The following LNPK variants were observed in gnomAD, a reference collection of about 807,000 sequenced individuals.
LNPK encodes the protein lunapark, ER junction formation factor.
LNPK carries 29 observed loss-of-function variants against 55.2 expected under a neutral mutation model. That is an observed-to-expected ratio of 0.53 (90% CI 0.39 to 0.72). LNPK has a LOEUF of 0.72. Ranked by LOEUF, LNPK falls within the 30% of genes least tolerant of loss-of-function variation. LNPK has a pLI of 0.00. For missense variants in LNPK, 467 were observed against 494.8 expected, an observed-to-expected ratio of 0.94 and a Z score of 0.53; for synonymous variants, 162 against 168.2, an observed-to-expected ratio of 0.96 and a Z score of 0.29.
chr2:175,986,716 T>C (rs549657754), intron 4 of LNPK, among the ~76,000 whole-genome samples: 1 of 152,184 alleles, frequency 6.6e-6, no homozygotes, highest in East Asian at 1.9e-4. Context: ...ATGAACTGTA[T>C]TTAACAACAT....
At chr2:175,980,551 G>T (rs1361074614) in intron 4 of LNPK, among the ~76,000 whole-genome samples, 2 of 152,126 alleles carry the variant, frequency 1.3e-5, no homozygotes, top group Non-Finnish European at 2.9e-5. Flanking sequence ...ACTTGTCAGG[G>T]TCATCTCCTA....
chr2:175,940,879 A>G, intron 9 of LNPK: 1 of 368,878 alleles, frequency 2.7e-6, no homozygotes, highest in Non-Finnish European at 5.3e-6. Context: ...AAAAAAATCC[A>G]CAGATTATGT....
chr2:175,977,806 G>C (rs1686980551), intron 5 of LNPK, among the ~76,000 whole-genome samples: 3 of 152,120 alleles, frequency 2.0e-5, no homozygotes, highest in Admixed American at 2.0e-4. Flanking sequence ...AAGAGAAATT[G>C]GTGGTAGCTT....
At chr2:175,965,809 A>C (rs970322426) in intron 6 of LNPK, among the ~76,000 whole-genome samples, 3 of 152,204 alleles carry the variant, frequency 2.0e-5, no homozygotes, top group South Asian at 2.1e-4. Flanking sequence ...TAGAAAAAAA[A>C]AAACTAGGAA....
intron 5 of LNPK, among the ~76,000 whole-genome samples, chr2:175,972,531 T>C (rs1686708553): frequency 6.6e-6 from 1 of 152,166 alleles, no homozygotes; most frequent in African/African-American, 2.4e-5. Context: ...GTTCAATTTT[T>C]TGTAATATAA....
intron 8 of LNPK, among the ~76,000 whole-genome samples, chr2:175,949,920 C>A (rs1685318521): frequency 6.6e-6 from 1 of 151,988 alleles, no homozygotes; most frequent in Non-Finnish European, 1.5e-5. Flanking sequence ...TCAGATTTAT[C>A]TACTTTTAAC....
intron 6 of LNPK, among the ~76,000 whole-genome samples, chr2:175,967,982 G>A (rs1049162623): frequency 7.2e-5 from 11 of 152,122 alleles, no homozygotes; most frequent in Admixed American, 7.2e-4. Context: ...CACAGGATTT[G>A]TACAAAATAT....
intron 8 of LNPK, 83 bp from the exon 9 acceptor site, chr2:175,947,775 T>G: frequency 1.0e-6 from 1 of 964,980 alleles, no homozygotes; most frequent in Non-Finnish European, 1.5e-6. Context: ...TTTATTAAAA[T>G]TTTACGCCCC....
intron 5 of LNPK, 89 bp from the exon 6 acceptor site, chr2:175,970,893 ACTTT>A (rs1157612158): frequency 2.6e-6 from 3 of 1,162,508 alleles, no homozygotes; most frequent in East Asian, 6.6e-5. Context: ...ACACAAGAAA[ACTTT>A]CTTATTTTAG....
At chr2:175,947,750 C>G (rs1418289502) in intron 8 of LNPK, 58 bp from the exon 9 acceptor site, 2 of 1,197,754 alleles carry the variant, frequency 1.7e-6, no homozygotes, top group African/African-American at 3.0e-5. Context: ...TAGCCAGTAT[C>G]ACAAACAATT....
At chr2:175,950,809 C>T (rs1685358969) in intron 8 of LNPK, among the ~76,000 whole-genome samples, 1 of 152,104 alleles carries the variant, frequency 6.6e-6, no homozygotes, top group Non-Finnish European at 1.5e-5. Context: ...AGCCAAAGCA[C>T]ATGCGAAGTA....
chr2:175,945,174 C>T (rs1191684597), intron 9 of LNPK, among the ~76,000 whole-genome samples: 3 of 150,528 alleles, frequency 2.0e-5, no homozygotes, highest in African/African-American at 7.3e-5. Flanking sequence ...GCCGGGATTA[C>T]AGGCGTGAGC....
chr2:175,988,085 C>T (rs765275611), intron 4 of LNPK, among the ~76,000 whole-genome samples: 2 of 152,096 alleles, frequency 1.3e-5, no homozygotes, highest in Non-Finnish European at 2.9e-5. Context: ...TTCATATATG[C>T]AACATTATTT....
In LNPK at chr2:175,992,236, T is replaced by A. The variant is rs917338091; in HGVS notation, c.252A>T (p.Pro84=). The A allele has an allele frequency of 6.4e-7, 1 of 1,554,390 alleles. No individual in the cohort carries two copies. Among genetic ancestry groups the A allele is most frequent in the Non-Finnish European group, 8.6e-7 (1 of 1,160,542 alleles). The change falls in exon 4 of 13, where the codon CCA becomes CCT. Residue 84 remains proline (P), a synonymous_variant. Transcript: ENST00000272748. ...LAMTLPFFAF[P]LIIWSIRTVI... is the part of the protein sequence containing the mutation. ...AAAAAGAATAATTTACTTACATCAATGGAAAAGCAAAAAATGGGAGTGTCA... is the reference window on the plus strand; with the variant it reads ...AAAAAGAATAATTTACTTACATCAAAGGAAAAGCAAAAAATGGGAGTGTCA...
chr2:175,996,851 T>C (rs529247467), intron 1 of LNPK, among the ~76,000 whole-genome samples: 224 of 152,348 alleles, frequency 1.5e-3, no homozygotes, highest in Non-Finnish European at 2.6e-3. Context: ...TACTGGACAA[T>C]GATTACACAA....
intron 6 of LNPK, 30 bp downstream of exon 6, chr2:175,970,734 T>C (rs1178459019): frequency 4.3e-6 from 5 of 1,163,240 alleles, no homozygotes; most frequent in Non-Finnish European, 5.8e-6. Context: ...TAGTTTAATA[T>C]AAATTAATTT....
rs1684185785 is a variant in LNPK at position 175,929,979 on chromosome 2, C to G, written c.1275G>C (p.Leu425Phe). Residue 425 changes from leucine (L) to phenylalanine (F), a missense_variant, in exon 13 of 13, where the codon TTG (leucine) becomes TTC (phenylalanine). By Grantham distance (22) the Leu-to-Phe change is conservative (BLOSUM62 0). Transcript: ENST00000272748. ...IPDPELSGES[L>F]TAE is the part of the protein sequence containing the mutation. ...GTGGAAGCATTTACTACTCTGCCGT[C>G]AAAGATTCTCCACTTAGTTCAGGAT... 6.2e-7 allele frequency: 1 copy of G among 1,613,956 alleles called. No homozygotes were observed. The highest frequency in any genetic ancestry group is 1.6e-4 in the Middle Eastern group (1 of 6,062).
At chr2:175,938,443 G>T in intron 10 of LNPK, 60 bp from the exon 11 acceptor site, 1 of 870,584 alleles carries the variant, frequency 1.1e-6, no homozygotes, top group South Asian at 2.0e-5. Context: ...TCATGACAGA[G>T]ACTAATTTAG....
At chr2:175,938,523 A>T (rs1359394822) in intron 10 of LNPK, 140 bp from the exon 11 acceptor site, 2 of 441,854 alleles carry the variant, frequency 4.5e-6, no homozygotes, top group Non-Finnish European at 8.3e-6. Context: ...CTTAGTAAAC[A>T]ACAAACAATA....
Sources: allele counts gnomAD v4.1 joint callset (sites outside exome capture counted in the v4.1 genomes callset), GRCh38; gene constraint gnomAD v4.1.1; transcripts MANE v1.5; gene names NCBI Gene and HGNC (gene_info 2026-07-23, HGNC 2026-07-21).